MAPK14: variants seen among roughly 807,000 people sequenced by gnomAD.
MAPK14 encodes the protein CSAID-binding protein.
Under a neutral mutation model 49.6 loss-of-function variants are expected in MAPK14, and 16 were observed. That is an observed-to-expected ratio of 0.32 (90% CI 0.22 to 0.49). MAPK14 has a LOEUF of 0.49. Ranked by LOEUF, MAPK14 falls within the 20% of genes least tolerant of loss-of-function variation. The probability of loss-of-function intolerance (pLI) is 0.99; values close to 1 mark genes in which losing one functional copy is unlikely to be tolerated. For missense variants in MAPK14, 200 were observed against 441.2 expected, an observed-to-expected ratio of 0.45 and a Z score of 4.90; for synonymous variants, 142 against 158.0, an observed-to-expected ratio of 0.90 and a Z score of 0.76.
At position 36,028,175 on chromosome 6, in the gene MAPK14, C is replaced by T. The variant is rs754825611; in HGVS notation, c.18C>T (p.Pro6=). MSQER[P]TFYRQELNKT... ...GCTGGAAAATGTCTCAGGAGAGGCC[C>T]ACGTTCTACCGGCAGGAGCTGAACA... The change falls in exon 1 of 12, where the codon CCC becomes CCT. Residue 6 remains proline, a synonymous_variant. Coordinates refer to ENST00000229794, the MANE Select transcript of MAPK14 (RefSeq NM_139012.3). The surrounding 1 kb of genome is among the most constrained non-coding windows in gnomAD (Gnocchi z 5.1). 7 of 1,613,540 alleles carry T rather than the reference C, an allele frequency of 4.3e-6. No individual in the cohort carries two copies. Among genetic ancestry groups the T allele is most frequent in the Non-Finnish European group, 5.1e-6 (6 of 1,179,630 alleles).
At chr6:36,114,329 T>C (rs562001639), downstream of MAPK14, among the ~76,000 whole-genome samples, 1 of 151,790 alleles carries the variant, frequency 6.6e-6, no homozygotes, top group East Asian at 1.9e-4. Context: ...AAAGAAGTAG[T>C]TTGGTGGCCG....
Position 36,107,398 on chromosome 6 carries a change from C to A in MAPK14, c.842-57C>A. 7.9e-7 allele frequency: 1 copy of A among 1,260,962 alleles called. No individual in the cohort carries two copies. The highest frequency in any genetic ancestry group is 2.5e-5 in the East Asian group (1 of 40,804). 78.1% of individuals were successfully genotyped at this position (1,260,962 alleles called of 1,614,324 possible). On this transcript the variant is annotated intron_variant, in intron 10 of 11. Transcript: ENST00000229794. The surrounding 1 kb of genome is among the most constrained non-coding windows in gnomAD (Gnocchi z 4.3). ...TCAAAACTATGTTTGCTCAATAAGG[C>A]ATACTTTTTTGTAACATGTTAAAAA...
chr6:36,100,336 T>C, intron 9 of MAPK14: 1 of 1,137,322 alleles, frequency 8.8e-7, no homozygotes, highest in African/African-American at 1.5e-5. Context: ...TGCCACCGTA[T>C]AACCAACAGT....
Position 36,108,489 on chromosome 6 carries a change from G to A in MAPK14, c.*42G>A. 1.3e-6 allele frequency: 2 copies of A among 1,497,254 alleles called. No individual in the cohort carries two copies. Among genetic ancestry groups the A allele is most frequent in the East Asian group, 2.3e-5 (1 of 44,350 alleles). 92.7% of individuals were successfully genotyped at this position (1,497,254 alleles called of 1,614,324 possible). On this transcript the variant is annotated 3_prime_UTR_variant, in exon 12 of 12. Transcript: ENST00000229794. ...CTGTTGATCCCACTTCACTGTGAGG[G>A]GAAGGCCTTTTCACGGGAACTCTCC...
intron 1 of MAPK14, among the ~76,000 whole-genome samples, chr6:36,052,452 C>A (rs1382078244): frequency 6.6e-6 from 1 of 151,924 alleles, no homozygotes; most frequent in Non-Finnish European, 1.5e-5. Flanking sequence ...ACTATCTGGC[C>A]CTTCATTGAA....
At chr6:36,090,379 A>T (rs1196268454) in intron 8 of MAPK14, among the ~76,000 whole-genome samples, 1 of 151,752 alleles carries the variant, frequency 6.6e-6, no homozygotes, top group South Asian at 2.1e-4. Context: ...GCTGGAATGC[A>T]GTGGCGCAAT....
At chr6:36,091,517 G>A (rs997603236) in intron 8 of MAPK14, among the ~76,000 whole-genome samples, 4 of 113,694 alleles carry the variant, frequency 3.5e-5, no homozygotes, top group African/African-American at 1.7e-4. Flanking sequence ...GTCATGATGT[G>A]GTGAGTTTTG....
intron 9 of MAPK14, among the ~76,000 whole-genome samples, chr6:36,101,459 TAAAG>T (rs762598536): frequency 2.0e-5 from 3 of 151,356 alleles, no homozygotes; most frequent in South Asian, 2.1e-4. Flanking sequence ...TTTTAATAAA[TAAAG>T]AAGGTGAACT....
chr6:36,073,404 A>C (rs1764387620), intron 4 of MAPK14, among the ~76,000 whole-genome samples: 1 of 152,256 alleles, frequency 6.6e-6, no homozygotes, highest in Non-Finnish European at 1.5e-5. Flanking sequence ...GCAGATAAAC[A>C]GTGTTTTAAA....
intron 4 of MAPK14, 140 bp downstream of exon 4, chr6:36,073,124 A>G (rs1764375471): frequency 6.1e-6 from 4 of 658,230 alleles, no homozygotes; most frequent in East Asian, 2.8e-5. Context: ...CATATAGTAC[A>G]GTAAACTGCC....
chr6:36,087,263 A>G (rs980304866), intron 8 of MAPK14, among the ~76,000 whole-genome samples: 1 of 152,210 alleles, frequency 6.6e-6, no homozygotes, highest in Non-Finnish European at 1.5e-5. Flanking sequence ...CCTATTCAAC[A>G]TAGTATTGGA....
chr6:36,030,626 G>A (rs1762503849), intron 1 of MAPK14, among the ~76,000 whole-genome samples: 1 of 146,932 alleles, frequency 6.8e-6, no homozygotes, highest in South Asian at 2.1e-4. Context: ...GGCGGAGGTT[G>A]CAATGAGCTG....
At chr6:36,030,409 C>T (rs764739125) in intron 1 of MAPK14, among the ~76,000 whole-genome samples, 4 of 152,158 alleles carry the variant, frequency 2.6e-5, no homozygotes, top group South Asian at 2.1e-4. Flanking sequence ...CTCAGTGGGC[C>T]GGGTGCAGTG....
intron 2 of MAPK14, among the ~76,000 whole-genome samples, chr6:36,055,518 T>A (rs1342777616): frequency 6.6e-6 from 1 of 152,222 alleles, no homozygotes; most frequent in African/African-American, 2.4e-5. Context: ...GTATTATGAA[T>A]GTCTTTTCTA....
At chr6:36,040,153 C>A (rs545085714) in intron 1 of MAPK14, among the ~76,000 whole-genome samples, 3 of 152,206 alleles carry the variant, frequency 2.0e-5, no homozygotes, top group South Asian at 2.1e-4. Context: ...CAGGGTAATT[C>A]AACCTATTGA....
intron 9 of MAPK14, among the ~76,000 whole-genome samples, chr6:36,098,798 T>C (rs550829180): frequency 6.6e-6 from 1 of 152,356 alleles, no homozygotes; most frequent in African/African-American, 2.4e-5. Context: ...CTTTTTGTTA[T>C]TTCCCTTGGC....
the MAPK14 span, among the ~76,000 whole-genome samples, chr6:36,119,357 T>C: frequency 6.6e-6 from 1 of 152,208 alleles, no homozygotes; most frequent in African/African-American, 2.4e-5. Flanking sequence ...TGGCGTCCAT[T>C]TGGCAGGATT....
chr6:36,092,459 G>T, intron 8 of MAPK14: 3 of 651,038 alleles, frequency 4.6e-6, no homozygotes, highest in South Asian at 4.2e-5. Context: ...GCACAGGGAT[G>T]ACCGCTACAT....
intron 1 of MAPK14, among the ~76,000 whole-genome samples, chr6:36,043,790 T>C (rs1351255571): frequency 6.6e-6 from 1 of 150,996 alleles, no homozygotes; most frequent in Non-Finnish European, 1.5e-5. Context: ...AGATATTCTT[T>C]TTTCTTTTTC....
Sources: allele counts gnomAD v4.1 joint callset (sites outside exome capture counted in the v4.1 genomes callset), GRCh38; gene constraint gnomAD v4.1.1; non-coding constraint Gnocchi (gnomAD v3.1); transcripts MANE v1.5; gene names NCBI Gene and HGNC (gene_info 2026-07-23, HGNC 2026-07-21).